The following CADM2 variants were observed in gnomAD, a reference collection of about 807,000 sequenced individuals.
CADM2 encodes immunoglobulin superfamily member 4D.
CADM2 carries 12 observed loss-of-function variants against 49.8 expected under a neutral mutation model. The ratio of observed to expected loss-of-function variants is 0.24; its 90% CI spans 0.15 to 0.39. CADM2 has a LOEUF of 0.39. Ranked by LOEUF, CADM2 falls within the 10% of genes least tolerant of loss-of-function variation. CADM2 has a pLI of 1.00. For missense variants in CADM2, 378 were observed against 492.3 expected (o/e 0.77, Z 2.20); for synonymous variants, 214 against 175.4 (o/e 1.22, Z -1.74).
At chr3:85,118,802 T>G (rs1397828801) in intron 1 of CADM2, among the ~76,000 whole-genome samples, 1 of 152,302 alleles carries the variant, frequency 6.6e-6, no homozygotes, top group East Asian at 1.9e-4. Flanking sequence ...CAGGCTGGAG[T>G]GCAATGGCGC....
At chr3:85,548,330 A>G (rs2061716622) in intron 1 of CADM2, among the ~76,000 whole-genome samples, 1 of 100,914 alleles carries the variant, frequency 9.9e-6, no homozygotes, top group South Asian at 3.2e-4. Flanking sequence ...TCATGTTATG[A>G]CCTCAGAGAT....
In CADM2 at chr3:85,413,161, A is replaced by AAAAT. The variant is rs1553720239; in HGVS notation, c.62-313359_62-313358insATAA. 1.3e-3 allele frequency among the ~76,000 whole-genome samples: 145 copies of AAAAT among 108,488 alleles called. 3 individuals are homozygous for AAAAT. Among genetic ancestry groups the AAAAT allele is most frequent in the African/African-American group, 5.6e-3 (139 of 24,614 alleles). The allele number at this position is 108,488 out of a possible 152,430, so 71.2% of individuals were successfully genotyped here. Reference sequence around the variant, plus strand: ...CTCAAAAAAAAAAAAAAAAAAAAAAAAATAATAATAATAATAATAATAATA... The same window carrying AAAAT: ...CTCAAAAAAAAAAAAAAAAAAAAAAAAAATAATAATAATAATAATAATAATAATA... On this transcript the variant is annotated intron_variant, in intron 1 of 9. Transcript: ENST00000383699.
intron 3 of CADM2, among the ~76,000 whole-genome samples, chr3:85,880,603 T>A (rs1712608102): frequency 6.6e-6 from 1 of 152,232 alleles, no homozygotes; most frequent in South Asian, 2.1e-4. Context: ...TTTCAGAAGT[T>A]GAAAAATGCA....
intron 1 of CADM2, among the ~76,000 whole-genome samples, chr3:84,994,742 T>C (rs2033081988): frequency 6.6e-6 from 1 of 152,156 alleles, no homozygotes; most frequent in Non-Finnish European, 1.5e-5. Flanking sequence ...AATATACAAG[T>C]GTTCGGCTGG....
chr3:85,590,711 T>C (rs1364647182), intron 1 of CADM2, among the ~76,000 whole-genome samples: 1 of 151,984 alleles, frequency 6.6e-6, no homozygotes, highest in East Asian at 1.9e-4. Flanking sequence ...TGATAAGGAA[T>C]GATTTGCTAA....
At chr3:85,517,316 C>G (rs1197605360) in intron 1 of CADM2, among the ~76,000 whole-genome samples, 1 of 151,966 alleles carries the variant, frequency 6.6e-6, no homozygotes, top group East Asian at 1.9e-4. Flanking sequence ...AGTTCTGGAT[C>G]TATTTCAAAT....
At chr3:85,700,863 C>A (rs2066731436) in intron 1 of CADM2, among the ~76,000 whole-genome samples, 1 of 152,176 alleles carries the variant, frequency 6.6e-6, no homozygotes, top group Non-Finnish European at 1.5e-5. Context: ...TTCTTCTGAG[C>A]TCTCCAAGGT....
intron 1 of CADM2, among the ~76,000 whole-genome samples, chr3:85,500,157 TCA>T (rs770061197): frequency 1.5e-4 from 23 of 152,326 alleles, no homozygotes; most frequent in East Asian, 9.6e-4. Flanking sequence ...GCTTTTCAGT[TCA>T]GTTTTTCCTA....
chr3:85,323,677 T>A (rs2044675050), intron 1 of CADM2, among the ~76,000 whole-genome samples: 1 of 152,184 alleles, frequency 6.6e-6, no homozygotes, highest in African/African-American at 2.4e-5. Context: ...GAATATCCAA[T>A]TACAAAATCA....
chr3:85,608,868 A>G (rs1204558610), intron 1 of CADM2, among the ~76,000 whole-genome samples: 1 of 152,138 alleles, frequency 6.6e-6, no homozygotes, highest in Non-Finnish European at 1.5e-5. Flanking sequence ...GCAGAGGCAC[A>G]TATTTAAAAG....
chr3:85,549,446 A>T (rs2061745492), intron 1 of CADM2, among the ~76,000 whole-genome samples: 1 of 152,168 alleles, frequency 6.6e-6, no homozygotes, highest in Non-Finnish European at 1.5e-5. Flanking sequence ...AAATAACAAG[A>T]ACTATAGATA....
At chr3:85,710,354 A>AT (rs969688973) in intron 1 of CADM2, among the ~76,000 whole-genome samples, 26 of 151,582 alleles carry the variant, frequency 1.7e-4, no homozygotes, top group Non-Finnish European at 3.2e-4. Context: ...TTCTATTTAA[A>AT]TTTTTTTTTC....
intron 1 of CADM2, among the ~76,000 whole-genome samples, chr3:85,149,132 A>G (rs577785737): frequency 1.3e-5 from 2 of 152,194 alleles, no homozygotes; most frequent in South Asian, 4.1e-4. Context: ...AATTAGAAAA[A>G]TATTTTCCCC....
At chr3:85,782,359 T>C (rs955191643) in intron 2 of CADM2, among the ~76,000 whole-genome samples, 6 of 152,118 alleles carry the variant, frequency 3.9e-5, no homozygotes, top group East Asian at 1.9e-4. Context: ...GAAGGAAATA[T>C]ATAGTTTCAG....
chr3:85,809,684 C>CTTCA (rs2072697022), intron 3 of CADM2, among the ~76,000 whole-genome samples: 1 of 123,764 alleles, frequency 8.1e-6, no homozygotes, highest in African/African-American at 3.2e-5. Flanking sequence ...TCCTTCCTTC[C>CTTCA]TTCCTTCCTT....
chr3:86,060,701 T>C (rs1371039331), intron 8 of CADM2, among the ~76,000 whole-genome samples: 1 of 152,060 alleles, frequency 6.6e-6, no homozygotes, highest in East Asian at 1.9e-4. Context: ...AAAATAATAA[T>C]GGCCGGATGC....
intron 1 of CADM2, among the ~76,000 whole-genome samples, chr3:85,566,943 G>A (rs1559914562): frequency 6.6e-6 from 1 of 152,084 alleles, no homozygotes; most frequent in East Asian, 1.9e-4. Context: ...CTTTTTTAGT[G>A]ACTCTATTTT....
chr3:85,177,405 C>T (rs1297938148), intron 1 of CADM2, among the ~76,000 whole-genome samples: 4 of 151,656 alleles, frequency 2.6e-5, no homozygotes, highest in African/African-American at 9.7e-5. Context: ...TTTTATTTAG[C>T]GTTTGAAAGT....
At chr3:85,824,053 T>C (rs2073762669) in intron 3 of CADM2, among the ~76,000 whole-genome samples, 1 of 152,152 alleles carries the variant, frequency 6.6e-6, no homozygotes, top group East Asian at 1.9e-4. Context: ...TTCTATGCAT[T>C]TCGCTGTTGT....
Sources: allele counts gnomAD v4.1 joint callset (sites outside exome capture counted in the v4.1 genomes callset), GRCh38; gene constraint gnomAD v4.1.1; transcripts MANE v1.5; gene names NCBI Gene and HGNC (gene_info 2026-07-23, HGNC 2026-07-21).